Variants in GOSR1 observed in about 807,000 individuals in gnomAD.
GOSR1 encodes the protein 28 kDa Golgi SNARE protein.
A neutral mutation model predicts 35.5 loss-of-function variants in GOSR1; 21 were observed. The ratio of observed to expected loss-of-function variants is 0.59; its 90% confidence interval spans 0.42 to 0.85. The LOEUF (loss-of-function observed/expected upper bound fraction) is 0.85, where lower values mean the gene tolerates loss of function less well. Among genes scored for constraint, GOSR1 ranks in the 40% least tolerant of loss-of-function variants. GOSR1 has a pLI of 0.00. For missense variants in GOSR1, 285 were observed against 309.6 expected (o/e 0.92, Z 0.60); for synonymous variants, 94 against 106.6 (o/e 0.88, Z 0.73).
In GOSR1 at chr17:30,520,010, A is replaced by T. The variant is rs1967966266; in HGVS notation, c.611A>T (p.Asn204Ile). Residue 204 changes from asparagine to isoleucine, a missense_variant, in exon 8 of 9, where the codon AAC (asparagine) becomes ATC (isoleucine). By Grantham distance (149) the Asn-to-Ile change is moderately radical. Around this residue, in one of 3 missense-constraint regions of GOSR1, gnomAD observed 168 missense variants for 183.2 expected, o/e 0.92. Coordinates refer to ENST00000451249, the MANE Select transcript of GOSR1 (RefSeq NM_001007025.2). Reference protein sequence around the residue: ...GMLKSIHSKMNTLANRFPAVN... With the variant: ...GMLKSIHSKMITLANRFPAVN... ...TTGAAGTCAATTCACAGCAAAATGA[A>T]CACTTTGGCCAGTATCCTTTTTGAA... The T allele has an allele frequency of 6.2e-7, 1 of 1,600,002 alleles. No homozygotes were observed. Among genetic ancestry groups the T allele is most frequent in the East Asian group, 2.2e-5 (1 of 44,782 alleles).
intron 7 of GOSR1, among the ~76,000 whole-genome samples, chr17:30,518,601 G>T (rs1277301059): frequency 1.3e-5 from 2 of 152,232 alleles, no homozygotes; most frequent in African/African-American, 4.8e-5. Flanking sequence ...TAAGACTATG[G>T]GAAATGAATA....
intron 4 of GOSR1, among the ~76,000 whole-genome samples, chr17:30,485,679 A>G (rs1024570027): frequency 1.3e-5 from 2 of 152,224 alleles, no homozygotes; most frequent in African/African-American, 4.8e-5. Flanking sequence ...TATTTTTAAT[A>G]TTGAGAAAAG....
intron 8 of GOSR1, among the ~76,000 whole-genome samples, chr17:30,521,186 T>TC (rs1248541203): frequency 2.1e-5 from 3 of 142,768 alleles, no homozygotes; most frequent in Non-Finnish European, 4.6e-5. Flanking sequence ...TTTTTTTTTT[T>TC]TTTTTTTTTT....
rs1915130109 is a variant in GOSR1, at chr17:30,492,839, T to C, written c.509+86T>C. ...GTAACCAACATTTTATGATGTTTATTATACTGAGTGCCTTGTCCATGCTAA... is the reference window on the plus strand; with the variant it reads ...GTAACCAACATTTTATGATGTTTATCATACTGAGTGCCTTGTCCATGCTAA... On this transcript the variant is annotated intron_variant, in intron 6 of 8. Transcript: ENST00000451249. 5 of 805,232 alleles carry C rather than the reference T, an allele frequency of 6.2e-6. No individual in the cohort carries two copies. In the Admixed American group the frequency reaches 7.3e-5, roughly 12 times the overall value. The allele number at this position is 805,232 out of a possible 1,614,324, so 49.9% of individuals were successfully genotyped here.
rs577212493 is a variant in GOSR1 at position 30,477,566 on chromosome 17, A to G, written c.31+102A>G. On this transcript the variant is annotated intron_variant, in intron 1 of 8. Coordinates refer to ENST00000451249, the MANE Select transcript of GOSR1 (RefSeq NM_001007025.2). ...GCACAGGAAAGAACCAGACTCCCGG[A>G]GCGGCCGAGCTGAGCAGCGGGGCTT... 8.6e-5 allele frequency: 124 copies of G among 1,434,482 alleles called. 1 individual carries two copies. The African/African-American group carries it at 1.6e-3, about 19-fold the overall frequency. 88.9% of individuals were successfully genotyped at this position (1,434,482 alleles called of 1,614,324 possible). A position where few individuals can be genotyped will look rare whatever the true frequency, so the allele number is the denominator to read the frequency against.
chr17:30,490,759 A>G (rs1914993406), intron 5 of GOSR1, among the ~76,000 whole-genome samples: 1 of 152,156 alleles, frequency 6.6e-6, no homozygotes, highest in Non-Finnish European at 1.5e-5. Context: ...ATCTCAATCT[A>G]TAATTTTAAA....
intron 7 of GOSR1, among the ~76,000 whole-genome samples, chr17:30,518,952 A>C (rs1185526099): frequency 6.8e-6 from 1 of 147,708 alleles, no homozygotes; most frequent in African/African-American, 2.5e-5. Flanking sequence ...CCAACCCCCA[A>C]CCCCCCCCAA....
chr17:30,482,367 A>G (rs1327233138), intron 2 of GOSR1, among the ~76,000 whole-genome samples: 1 of 152,224 alleles, frequency 6.6e-6, no homozygotes, highest in Non-Finnish European at 1.5e-5. Flanking sequence ...CTAATTAATA[A>G]TAATTTTGAT....
chr17:30,479,195 A>T (rs1198691126), intron 1 of GOSR1: 1 of 152,244 alleles, frequency 6.6e-6, no homozygotes, highest in Non-Finnish European at 1.5e-5. Context: ...TGAAAAGCAT[A>T]TTGAAATAAT....
intron 7 of GOSR1, among the ~76,000 whole-genome samples, chr17:30,518,069 G>C (rs1028686029): frequency 6.6e-6 from 1 of 152,174 alleles, no homozygotes; most frequent in Non-Finnish European, 1.5e-5. Flanking sequence ...CTGGCTGCAT[G>C]TAGCAGTCCT....
chr17:30,481,866 A>C (rs915019807), intron 2 of GOSR1, among the ~76,000 whole-genome samples: 1 of 152,142 alleles, frequency 6.6e-6, no homozygotes, highest in Non-Finnish European at 1.5e-5. Flanking sequence ...ACAGTAGATG[A>C]CGCGTGTAAT....
At chr17:30,510,500 G>A (rs1967574490) in intron 6 of GOSR1, 1 of 155,472 alleles carries the variant, frequency 6.4e-6, no homozygotes, top group African/African-American at 2.4e-5. Flanking sequence ...GATTACCTGA[G>A]GTCAGGAGTT....
intron 7 of GOSR1, among the ~76,000 whole-genome samples, chr17:30,519,186 G>C (rs1012821560): frequency 4.6e-5 from 7 of 151,798 alleles, no homozygotes; most frequent in African/African-American, 1.7e-4. Flanking sequence ...TCAGCCTCCC[G>C]AGTAGCTGGG....
At chr17:30,485,204 T>G (rs1391926775) in intron 4 of GOSR1, 1 of 196,310 alleles carries the variant, frequency 5.1e-6, no homozygotes, top group Non-Finnish European at 1.1e-5. Flanking sequence ...CCAATAAAAC[T>G]AAATAAACTT....
intron 6 of GOSR1, among the ~76,000 whole-genome samples, chr17:30,505,312 A>T (rs982118893): frequency 2.6e-5 from 4 of 152,134 alleles, no homozygotes; most frequent in African/African-American, 4.8e-5. Context: ...AGGCAGGAGG[A>T]TTGCTTGAAG....
intron 6 of GOSR1, among the ~76,000 whole-genome samples, chr17:30,509,985 C>T (rs1313045308): frequency 6.6e-6 from 1 of 152,128 alleles, no homozygotes; most frequent in Non-Finnish European, 1.5e-5. Flanking sequence ...TTTCTTTATG[C>T]TGTCATTAAA....
chr17:30,485,481 C>G (rs944933327), intron 4 of GOSR1, among the ~76,000 whole-genome samples: 1 of 152,066 alleles, frequency 6.6e-6, no homozygotes, highest in African/African-American at 2.4e-5. Context: ...GTTTCCCAGG[C>G]TGGTCTCTAA....
chr17:30,514,474 G>C (rs1967727961), intron 7 of GOSR1, among the ~76,000 whole-genome samples: 1 of 152,178 alleles, frequency 6.6e-6, no homozygotes, highest in Non-Finnish European at 1.5e-5. Context: ...TCGTATTCTT[G>C]ATTCATTATT....
At chr17:30,511,470 T>G (rs1441175282) in intron 7 of GOSR1, among the ~76,000 whole-genome samples, 1 of 152,116 alleles carries the variant, frequency 6.6e-6, no homozygotes, top group African/African-American at 2.4e-5. Context: ...AATTCACCAA[T>G]GTGTAAAGCA....
Sources: gnomAD v4.1 joint callset for allele counts (sites outside exome capture counted in the v4.1 genomes callset) on GRCh38, gnomAD v4.1.1 for gene constraint, gnomAD v4.1.1 regional missense constraint, MANE v1.5 for transcripts, NCBI Gene and HGNC (gene_info 2026-07-23, HGNC 2026-07-21) for gene names.